The following GLIS3 variants were observed in gnomAD, a reference collection of about 807,000 sequenced individuals.
GLIS3 encodes zinc finger protein GLIS3.
In GLIS3, 53 loss-of-function variants were observed where a neutral mutation model predicts 78.6. The observed-to-expected ratio is 0.67, with a 90% CI of 0.54 to 0.85. The LOEUF (loss-of-function observed/expected upper bound fraction) is 0.85. GLIS3 is among the 40% of genes least tolerant of loss of function. The probability of loss-of-function intolerance (pLI) is 0.00; values close to 1 mark genes in which losing one functional copy is unlikely to be tolerated. For synonymous variants in GLIS3, 684 were observed against 509.9 expected, an observed-to-expected ratio of 1.34 and a Z score of -4.60; for missense variants, 1,703 against 1,231.1, an observed-to-expected ratio of 1.38 and a Z score of -5.74.
intron 2 of GLIS3, among the ~76,000 whole-genome samples, chr9:4,142,100 C>G (rs1471934212): frequency 1.3e-5 from 2 of 152,196 alleles, no homozygotes; most frequent in African/African-American, 4.8e-5. Context: ...TAGGTGCTCA[C>G]TTACAACCCA....
intron 2 of GLIS3, among the ~76,000 whole-genome samples, chr9:4,147,971 G>C (rs1374814273): frequency 2.0e-5 from 3 of 152,178 alleles, no homozygotes; most frequent in East Asian, 1.9e-4. Flanking sequence ...CTCTATAATA[G>C]CTACGTATGT....
At chr9:4,064,863 G>C (rs995609770) in intron 4 of GLIS3, among the ~76,000 whole-genome samples, 1 of 152,186 alleles carries the variant, frequency 6.6e-6, no homozygotes. Flanking sequence ...AATAGCAAGA[G>C]AGCATGTTAA....
intron 3 of GLIS3, among the ~76,000 whole-genome samples, chr9:4,309,616 A>G (rs1282295682): frequency 6.6e-6 from 1 of 152,258 alleles, no homozygotes; most frequent in Non-Finnish European, 1.5e-5. Context: ...ATTGTGCCTA[A>G]GTCAGGCCCA....
intron 4 of GLIS3, among the ~76,000 whole-genome samples, chr9:4,103,630 A>T (rs950503087): frequency 4.6e-5 from 7 of 152,170 alleles, no homozygotes; most frequent in African/African-American, 1.7e-4. Context: ...TAGAACTAAC[A>T]CAATACCGTT....
intron 4 of GLIS3, among the ~76,000 whole-genome samples, chr9:4,082,219 G>A (rs1019702654): frequency 3.9e-5 from 6 of 152,306 alleles, no homozygotes; most frequent in African/African-American, 1.4e-4. Context: ...ATGTGGCACT[G>A]CTTATCAGCA....
intron 2 of GLIS3, among the ~76,000 whole-genome samples, chr9:4,213,967 CA>C (rs561257001): frequency 2.8e-5 from 4 of 142,190 alleles, no homozygotes; most frequent in East Asian, 4.2e-4. Flanking sequence ...CAAAAATAAA[CA>C]AAAAAAATTT....
chr9:4,114,616 T>C (rs1298445762), intron 4 of GLIS3, among the ~76,000 whole-genome samples: 1 of 152,200 alleles, frequency 6.6e-6, no homozygotes, highest in African/African-American at 2.4e-5. Flanking sequence ...CTATAGTTAA[T>C]AGATAGCAGT....
At chr9:3,866,548 C>A (rs577878617) in intron 8 of GLIS3, among the ~76,000 whole-genome samples, 1 of 152,260 alleles carries the variant, frequency 6.6e-6, no homozygotes, top group African/African-American at 2.4e-5. Flanking sequence ...GCAGACATCA[C>A]AAAGGAAGGC....
chr9:4,278,362 G>T (rs751387817), intron 2 of GLIS3, among the ~76,000 whole-genome samples: 1 of 152,184 alleles, frequency 6.6e-6, no homozygotes, highest in Non-Finnish European at 1.5e-5. Context: ...CAGGTATGGG[G>T]CACGCAAATA....
intron 2 of GLIS3, among the ~76,000 whole-genome samples, chr9:4,277,029 GA>G (rs891260247): frequency 2.0e-5 from 3 of 150,070 alleles, no homozygotes; most frequent in African/African-American, 2.4e-5. Flanking sequence ...AAGCAGAAGT[GA>G]AAAAAAAATA....
chr9:4,090,300 T>C (rs193142466), intron 4 of GLIS3, among the ~76,000 whole-genome samples: 6 of 152,266 alleles, frequency 3.9e-5, no homozygotes, highest in East Asian at 3.9e-4. Context: ...TGGCTCAATA[T>C]ATATTTGATT....
At chr9:4,416,015 A>G in the GLIS3 span, among the ~76,000 whole-genome samples, 1 of 150,440 alleles carries the variant, frequency 6.6e-6, no homozygotes, top group Non-Finnish European at 1.5e-5. Flanking sequence ...ATGTAAATAT[A>G]TAGATGTATA....
chr9:4,439,312 G>C, the GLIS3 span, among the ~76,000 whole-genome samples: 1 of 152,124 alleles, frequency 6.6e-6, no homozygotes, highest in Non-Finnish European at 1.5e-5. Context: ...AATGTTTTTA[G>C]TATGTTCACA....
At chr9:4,367,420 A>G in the GLIS3 span, among the ~76,000 whole-genome samples, 2 of 151,972 alleles carry the variant, frequency 1.3e-5, no homozygotes, top group Non-Finnish European at 2.9e-5. Flanking sequence ...GCCTTCCTTG[A>G]TCCCCTAAAC....
intron 7 of GLIS3, among the ~76,000 whole-genome samples, chr9:3,891,084 AGAAG>A (rs1563817910): frequency 4.1e-5 from 6 of 146,386 alleles, no homozygotes; most frequent in South Asian, 2.2e-4. Flanking sequence ...AAAAAAAAGA[AGAAG>A]AAGAAAGTAG....
chr9:4,181,483 G>A (rs923494527), intron 2 of GLIS3, among the ~76,000 whole-genome samples: 2 of 152,170 alleles, frequency 1.3e-5, no homozygotes, highest in African/African-American at 4.8e-5. Flanking sequence ...GGGACCCAAA[G>A]GCACTATAGT....
intron 4 of GLIS3, among the ~76,000 whole-genome samples, chr9:3,998,229 A>G (rs1820876572): frequency 6.6e-6 from 1 of 152,162 alleles, no homozygotes; most frequent in Non-Finnish European, 1.5e-5. Flanking sequence ...TATAAAAAGT[A>G]CTGTTTCCTT....
the GLIS3 span, among the ~76,000 whole-genome samples, chr9:4,369,600 G>C: frequency 1.3e-5 from 2 of 152,084 alleles, no homozygotes; most frequent in Admixed American, 1.3e-4. Flanking sequence ...CCCTCCCCTG[G>C]CTGTAGGCCC....
the GLIS3 span, among the ~76,000 whole-genome samples, chr9:4,447,788 A>G: frequency 0.21 from 32,657 of 152,152 alleles, 3,619 homozygotes; most frequent in Middle Eastern, 0.3. Context: ...GGTTATGGAA[A>G]GCAGCCAGCC....
Sources: gnomAD v4.1 joint callset for allele counts (sites outside exome capture counted in the v4.1 genomes callset) on GRCh38, gnomAD v4.1.1 for gene constraint, MANE v1.5 for transcripts, NCBI Gene and HGNC (gene_info 2026-07-23, HGNC 2026-07-21) for gene names.